The following CACNB2 variants were observed in gnomAD, a reference collection of about 807,000 sequenced individuals.
CACNB2 encodes the protein voltage-dependent L-type calcium channel subunit beta-2.
In CACNB2, 42 loss-of-function variants were observed where a neutral mutation model predicts 73.3. The observed-to-expected ratio is 0.57, with a 90% CI of 0.45 to 0.74. The LOEUF is 0.74. Among genes scored for constraint, CACNB2 ranks in the 30% least tolerant of loss-of-function variants. The probability of loss-of-function intolerance (pLI) is 0.00; values close to 1 mark genes in which losing one functional copy is unlikely to be tolerated. For missense variants in CACNB2, 940 were observed against 853.0 expected (o/e 1.10, Z -1.27); for synonymous variants, 348 against 310.3 (o/e 1.12, Z -1.28).
chr10:18,394,087 G>A (rs545099454), intron 2 of CACNB2, among the ~76,000 whole-genome samples: 39 of 152,084 alleles, frequency 2.6e-4, no homozygotes, highest in African/African-American at 8.4e-4. Context: ...GATTACAAGC[G>A]CCCACCACCA....
chr10:18,365,907 C>T (rs946203286), intron 2 of CACNB2, among the ~76,000 whole-genome samples: 1 of 152,208 alleles, frequency 6.6e-6, no homozygotes, highest in Admixed American at 6.5e-5. Context: ...ATGTAAGAAT[C>T]TGTCAATTTG....
intron 2 of CACNB2, among the ~76,000 whole-genome samples, chr10:18,278,602 A>G (rs189485009): frequency 3.8e-4 from 58 of 152,358 alleles, no homozygotes; most frequent in African/African-American, 1.3e-3. Flanking sequence ...CATGATTTAT[A>G]TAGACTAAAA....
At chr10:18,531,467 G>A (rs193015731) in intron 10 of CACNB2, among the ~76,000 whole-genome samples, 2 of 152,226 alleles carry the variant, frequency 1.3e-5, no homozygotes, top group African/African-American at 4.8e-5. Context: ...GTGCTGCAGT[G>A]AACATATACA....
Position 18,351,506 on chromosome 10 carries a change from A to C in CACNB2, c.214-50418A>C, listed in dbSNP as rs377720466. Among the ~76,000 whole-genome samples the C allele has an allele frequency of 1.2e-4, 19 of 152,326 alleles. No homozygotes were observed. In the South Asian group the frequency reaches 1.4e-3, roughly 12 times the overall value. ...GATGAACTGGAAAATGATTTGCTACATCCAGAAATTTCAAAGCATTCTTAA... is the reference window on the plus strand; with the variant it reads ...GATGAACTGGAAAATGATTTGCTACCTCCAGAAATTTCAAAGCATTCTTAA... On this transcript the variant is annotated intron_variant, in intron 2 of 13. Transcript: ENST00000324631.
intron 3 of CACNB2, among the ~76,000 whole-genome samples, chr10:18,434,254 A>G (rs899034783): frequency 6.6e-5 from 10 of 152,174 alleles, no homozygotes; most frequent in Non-Finnish European, 1.3e-4. Flanking sequence ...CATGACCTCT[A>G]TTCATGATTT....
intron 1 of CACNB2, among the ~76,000 whole-genome samples, chr10:18,143,914 T>A (rs1317058800): frequency 6.6e-6 from 1 of 152,202 alleles, no homozygotes; most frequent in East Asian, 1.9e-4. Flanking sequence ...AAGCAGAAGA[T>A]GTAGATTTGC....
intron 2 of CACNB2, among the ~76,000 whole-genome samples, chr10:18,391,059 A>G (rs1453975787): frequency 6.6e-6 from 1 of 152,194 alleles, no homozygotes; most frequent in Non-Finnish European, 1.5e-5. Context: ...GATTCACTGG[A>G]AAAAGGATGC....
At chr10:18,201,942 A>T (rs1342704570) in intron 2 of CACNB2, among the ~76,000 whole-genome samples, 2 of 152,198 alleles carry the variant, frequency 1.3e-5, no homozygotes, top group African/African-American at 4.8e-5. Context: ...CTACCTTCTC[A>T]TCTGCTTTAA....
chr10:18,481,605 C>T (rs2048782062), intron 3 of CACNB2, among the ~76,000 whole-genome samples: 1 of 151,856 alleles, frequency 6.6e-6, no homozygotes, highest in South Asian at 2.1e-4. Context: ...GAAGATAGTC[C>T]AGAAGGATTG....
At chr10:18,435,762 A>AGTGCTGG (rs1358893769) in intron 3 of CACNB2, among the ~76,000 whole-genome samples, 11 of 152,256 alleles carry the variant, frequency 7.2e-5, no homozygotes, top group Non-Finnish European at 8.8e-5. Flanking sequence ...GGCCTCCCAA[A>AGTGCTGG]GTGCTGGGAA....
intron 6 of CACNB2, 95 bp downstream of exon 6, chr10:18,506,642 T>A: frequency 2.5e-6 from 2 of 792,880 alleles, no homozygotes; most frequent in Non-Finnish European, 4.5e-6. Context: ...ACTGAATCAC[T>A]ATGTTAACCC....
chr10:18,217,996 A>G (rs1304702107), intron 2 of CACNB2, among the ~76,000 whole-genome samples: 1 of 152,114 alleles, frequency 6.6e-6, no homozygotes, highest in Non-Finnish European at 1.5e-5. Context: ...TCGGTATAAT[A>G]CTGGGTCATG....
chr10:18,361,570 C>T (rs554805265), intron 2 of CACNB2, among the ~76,000 whole-genome samples: 1 of 150,234 alleles, frequency 6.7e-6, no homozygotes, highest in East Asian at 1.9e-4. Context: ...ATACATTTCT[C>T]CACGGTTGTT....
intron 2 of CACNB2, among the ~76,000 whole-genome samples, chr10:18,399,652 G>A (rs2043891015): frequency 1.3e-5 from 2 of 152,056 alleles, no homozygotes; most frequent in South Asian, 4.1e-4. Context: ...CAGAGTCCTA[G>A]GGTTACGGTC....
rs180888726 is a variant in CACNB2 at position 18,215,770 on chromosome 10, G to T, written c.213+64795G>T. 2.0e-4 allele frequency among the ~76,000 whole-genome samples: 31 copies of T among 152,208 alleles called. No individual in the cohort carries two copies. The East Asian group carries it at 5.8e-3, about 28-fold the overall frequency. ...GAAAGCAGACGGATCTTTTTAGGAG[G>T]CTATAAATTTTCCGCGTCCCTCCAC... is the stretch of plus-strand genomic sequence containing the variant. On this transcript the variant is annotated intron_variant, in intron 2 of 13. Transcript: ENST00000324631.
intron 3 of CACNB2, among the ~76,000 whole-genome samples, chr10:18,454,514 T>C (rs562946209): frequency 6.6e-6 from 1 of 152,224 alleles, no homozygotes; most frequent in Non-Finnish European, 1.5e-5. Flanking sequence ...ATTGTTTTTT[T>C]ACCCCCTAAG....
In CACNB2 at chr10:18,469,020, T is replaced by G. The variant is rs953006476; in HGVS notation, c.334-29335T>G. Among the ~76,000 whole-genome samples, 3 of 152,154 alleles carry G rather than the reference T, an allele frequency of 2.0e-5. No individual in the cohort carries two copies. The East Asian group carries it at 5.8e-4, about 29-fold the overall frequency. On this transcript the variant is annotated intron_variant, in intron 3 of 13. Coordinates refer to ENST00000324631, the MANE Select transcript of CACNB2 (RefSeq NM_201596.3). ...GCAAATATTTTTAAATTTAATAATA[T>G]TAAGAATTGTTTGACCCAGGAGTGC...
chr10:18,524,207 GTT>G (rs112945151), intron 9 of CACNB2, among the ~76,000 whole-genome samples: 2,717 of 145,624 alleles, frequency 0.019, 69 homozygotes, highest in African/African-American at 0.062. Context: ...TAAATTCACG[GTT>G]TTTTTTTTTT....
chr10:18,347,344 ATTTTTTTTTTTTTT>A (rs201654242), intron 2 of CACNB2, among the ~76,000 whole-genome samples: 157 of 120,808 alleles, frequency 1.3e-3, no homozygotes, highest in Non-Finnish European at 1.5e-3. Context: ...TGCCCGTCTA[ATTTTTTTTTTTTTT>A]TTTTTTTTTT....
Sources: allele counts gnomAD v4.1 joint callset (sites outside exome capture counted in the v4.1 genomes callset), GRCh38; gene constraint gnomAD v4.1.1; transcripts MANE v1.5; gene names NCBI Gene and HGNC (gene_info 2026-07-23, HGNC 2026-07-21).